JAZF1: variants seen among roughly 807,000 people sequenced by gnomAD.
JAZF1 encodes juxtaposed with another zinc finger protein 1.
A neutral mutation model predicts 26.4 loss-of-function variants in JAZF1; 8 were observed. The ratio of observed to expected loss-of-function variants is 0.30; its 90% confidence interval spans 0.18 to 0.55. JAZF1 has a LOEUF of 0.55. JAZF1 is among the 20% of genes least tolerant of loss of function. The pLI, the probability that JAZF1 is intolerant of heterozygous loss-of-function variation, is 0.94. For missense variants in JAZF1, 199 were observed against 322.0 expected (o/e 0.62, Z 2.92); for synonymous variants, 126 against 122.3 (o/e 1.03, Z -0.20).
At position 28,078,990 on chromosome 7, in the gene JAZF1, ATTTT is replaced by A. The variant is rs113270032; in HGVS notation, c.116-87013_116-87010del. On this transcript the variant is annotated intron_variant, in intron 1 of 4. Coordinates refer to ENST00000283928, the MANE Select transcript of JAZF1 (RefSeq NM_175061.4). ...AGATGGAAAATCTAAAATGCCCATA[ATTTT>A]TTTTTTTTTTTTTGAGACAGAGTTT... 8.9e-4 allele frequency among the ~76,000 whole-genome samples: 125 copies of A among 140,904 alleles called. 1 individual carries two copies. The highest frequency in any genetic ancestry group is 3.1e-3 in the African/African-American group (119 of 38,386). 92.4% of individuals were successfully genotyped at this position (140,904 alleles called of 152,430 possible). A position where few individuals can be genotyped will look rare whatever the true frequency, so the allele number is the denominator to read the frequency against.
chr7:27,854,842 G>A (rs984821908), intron 3 of JAZF1, among the ~76,000 whole-genome samples: 3 of 152,080 alleles, frequency 2.0e-5, no homozygotes, highest in Non-Finnish European at 4.4e-5. Flanking sequence ...ATGTGTCTTG[G>A]GGTTGCTTTT....
intron 3 of JAZF1, among the ~76,000 whole-genome samples, chr7:27,867,594 A>G (rs1783496953): frequency 6.6e-6 from 1 of 152,272 alleles, no homozygotes; most frequent in Non-Finnish European, 1.5e-5. Flanking sequence ...GGCAGGCCTC[A>G]TAACCATCAG....
At chr7:27,929,963 CCT>C (rs1045846934) in intron 2 of JAZF1, among the ~76,000 whole-genome samples, 7 of 117,708 alleles carry the variant, frequency 5.9e-5, no homozygotes, top group African/African-American at 1.5e-4. Context: ...TCTCTCTCCC[CCT>C]CTCTCCCTCC....
intron 2 of JAZF1, among the ~76,000 whole-genome samples, chr7:27,902,871 C>T (rs893034655): frequency 1.3e-5 from 2 of 152,080 alleles, no homozygotes; most frequent in South Asian, 4.2e-4. Flanking sequence ...AAAAAATTAG[C>T]CAGGCATGGC....
chr7:28,020,088 C>T (rs1436637761), intron 1 of JAZF1, among the ~76,000 whole-genome samples: 1 of 152,106 alleles, frequency 6.6e-6, no homozygotes, highest in Non-Finnish European at 1.5e-5. Flanking sequence ...CAGCTATTTT[C>T]CCTATAGGTT....
At chr7:28,026,282 A>G (rs1783092257) in intron 1 of JAZF1, among the ~76,000 whole-genome samples, 1 of 152,224 alleles carries the variant, frequency 6.6e-6, no homozygotes, top group Non-Finnish European at 1.5e-5. Flanking sequence ...AAGTTAGCCC[A>G]AATCATCCAC....
intron 1 of JAZF1, among the ~76,000 whole-genome samples, chr7:28,179,981 AAGCGCCCGGCGGCGTGC>A (rs1051475678): frequency 1.6e-5 from 2 of 122,096 alleles, no homozygotes; most frequent in Admixed American, 9.1e-5. Context: ...GCCGGGGCGG[AAGCGCCCGGCGGCGTGC>A]AGCGCCCGCC....
At chr7:27,959,831 C>T (rs1383672715) in intron 2 of JAZF1, among the ~76,000 whole-genome samples, 5 of 151,088 alleles carry the variant, frequency 3.3e-5, no homozygotes, top group African/African-American at 7.3e-5. Flanking sequence ...ACCCAGGAGG[C>T]GGAGGTTGCA....
chr7:27,959,899 C>CA (rs10592879), intron 2 of JAZF1, among the ~76,000 whole-genome samples: 48 of 147,386 alleles, frequency 3.3e-4, no homozygotes, highest in Non-Finnish European at 4.5e-4. Flanking sequence ...GATGCTGTCT[C>CA]AAAAAAAAAA....
At chr7:27,894,209 C>T (rs1784021425) in intron 3 of JAZF1, among the ~76,000 whole-genome samples, 2 of 152,098 alleles carry the variant, frequency 1.3e-5, no homozygotes, top group South Asian at 4.1e-4. Context: ...CAGTTTCTGG[C>T]ACTTGTGAGG....
chr7:28,097,237 A>G (rs144038554), intron 1 of JAZF1, among the ~76,000 whole-genome samples: 1,915 of 152,272 alleles, frequency 0.013, 45 homozygotes, highest in African/African-American at 0.044. Flanking sequence ...AAATCAGCTC[A>G]GCAATAAATA....
At chr7:28,054,560 CTCTATTTGCAG>C (rs1214360119) in intron 1 of JAZF1, among the ~76,000 whole-genome samples, 1 of 152,076 alleles carries the variant, frequency 6.6e-6, no homozygotes, top group African/African-American at 2.4e-5. Context: ...CTGACAGGAT[CTCTATTTGCAG>C]TCTGTTTGGG....
intron 2 of JAZF1, among the ~76,000 whole-genome samples, chr7:27,981,162 T>A (rs775882966): frequency 5.9e-5 from 9 of 152,344 alleles, no homozygotes; most frequent in Admixed American, 3.3e-4. Context: ...CAGCTAGGAT[T>A]TGATCTGTCA....
chr7:28,007,975 A>G (rs1273014347), intron 1 of JAZF1, among the ~76,000 whole-genome samples: 1 of 152,132 alleles, frequency 6.6e-6, no homozygotes, highest in African/African-American at 2.4e-5. Flanking sequence ...ACAAATTCTG[A>G]TGGAAATCAG....
At chr7:27,872,151 C>T (rs1783594019) in intron 3 of JAZF1, among the ~76,000 whole-genome samples, 4 of 152,254 alleles carry the variant, frequency 2.6e-5, no homozygotes, top group South Asian at 4.1e-4. Context: ...AATGAACAGC[C>T]GTCTGTTCCA....
At chr7:28,153,319 T>TA (rs11367602) in intron 1 of JAZF1, among the ~76,000 whole-genome samples, 57 of 147,860 alleles carry the variant, frequency 3.9e-4, no homozygotes, top group African/African-American at 8.7e-4. Flanking sequence ...ACACTTCCAC[T>TA]AAAAAAAAAA....
intron 1 of JAZF1, among the ~76,000 whole-genome samples, chr7:28,159,907 C>G (rs1197312140): frequency 6.6e-6 from 1 of 152,088 alleles, no homozygotes. Context: ...ATAAGCGAAA[C>G]CATAATTACG....
At chr7:28,049,135 T>C (rs910004696) in intron 1 of JAZF1, among the ~76,000 whole-genome samples, 3 of 149,316 alleles carry the variant, frequency 2.0e-5, no homozygotes, top group Admixed American at 6.7e-5. Flanking sequence ...CAGGCTGGAG[T>C]GCAGTGGTGT....
chr7:28,034,160 C>T (rs1783244734), intron 1 of JAZF1, among the ~76,000 whole-genome samples: 1 of 152,134 alleles, frequency 6.6e-6, no homozygotes, highest in Admixed American at 6.6e-5. Flanking sequence ...ATATGAATTT[C>T]AAACTGTTCT....
Sources: allele counts gnomAD v4.1 joint callset (sites outside exome capture counted in the v4.1 genomes callset), GRCh38; gene constraint gnomAD v4.1.1; transcripts MANE v1.5; gene names NCBI Gene and HGNC (gene_info 2026-07-23, HGNC 2026-07-21).